The following MYH16 variants were observed in gnomAD, a reference collection of about 807,000 sequenced individuals.
MYH16 encodes myosin heavy chain 16.
chr7:99,309,152 CTA>C (rs1792722697), downstream of MYH16, among the ~76,000 whole-genome samples: 1 of 152,018 alleles, frequency 6.6e-6, no homozygotes, highest in Admixed American at 6.6e-5. Context: ...TGGTTGCCCT[CTA>C]TGTGGGATTA....
chr7:99,288,167 G>A (rs1196410779), intron 29 of MYH16, 30 bp downstream of exon 10: 1 of 454,612 alleles, frequency 2.2e-6, no homozygotes, highest in South Asian at 1.6e-5. Context: ...GCCGGACGCA[G>A]TGGCTCACTC....
rs11983985 is a variant in MYH16 at position 99,283,545 on chromosome 7, G to C, written n.2993-20G>C. 0.033 allele frequency: 15,029 copies of C among 455,548 alleles called. 363 individuals are homozygous for C. Among genetic ancestry groups the C allele is most frequent in the Admixed American group, 0.065 (2,766 of 42,574 alleles). The allele number at this position is 455,548 out of a possible 1,614,324, so 28.2% of individuals were successfully genotyped here. On this transcript the variant is annotated intron_variant and non_coding_transcript_variant, in intron 23 of 41. Coordinates refer to ENST00000439784, the Ensembl canonical transcript of MYH16. ...TCCCACTGGGCCTCGTGGCACTCAC[G>C]TGTGTATCTGTCCTTCCAGAAAACC...
chr7:99,273,568 CCT>C, intron 20 of MYH16, 145 bp downstream of exon 2: 1 of 379,846 alleles, frequency 2.6e-6, no homozygotes, highest in South Asian at 1.9e-5. Flanking sequence ...AAAAATCTAG[CCT>C]CTGTCCAGAC....
intron 1 of MYH16, among the ~76,000 whole-genome samples, chr7:99,239,911 G>A (rs192465323): frequency 6.6e-6 from 1 of 152,130 alleles, no homozygotes; most frequent in Non-Finnish European, 1.5e-5. Flanking sequence ...GGCTAGGCGT[G>A]GTGGCTCACA....
intron 5 of MYH16, chr7:99,251,064 C>A: frequency 5.5e-6 from 1 of 183,438 alleles, no homozygotes; most frequent in South Asian, 1.2e-4. Context: ...GCCAACTGGT[C>A]AACTGACTTT....
intron 31 of MYH16, among the ~76,000 whole-genome samples, 151 bp downstream of exon 12, chr7:99,291,601 C>T (rs898631479): frequency 3.4e-5 from 5 of 147,580 alleles, no homozygotes; most frequent in Non-Finnish European, 5.9e-5. Context: ...GAGACCAGCC[C>T]GAACAACACA....
chr7:99,298,093 GGGCAATTCA>G (rs1282027905), intron 36 of MYH16, 98 bp downstream of exon 17: 1 of 411,512 alleles, frequency 2.4e-6, no homozygotes, highest in Non-Finnish European at 4.8e-6. Context: ...GCGTGACGTT[GGGCAATTCA>G]GGTGAACCTT....
chr7:99,255,617 C>A (rs939481461), exon 9 of MYH16: 2 of 152,864 alleles, frequency 1.3e-5, no homozygotes, highest in African/African-American at 4.8e-5. Flanking sequence ...TAAGGAATAC[C>A]ACTGGGTGAG....
intron 4 of MYH16, among the ~76,000 whole-genome samples, chr7:99,249,273 G>A (rs1469089191): frequency 6.6e-6 from 1 of 152,014 alleles, no homozygotes; most frequent in African/African-American, 2.4e-5. Flanking sequence ...GAGGCCAGGT[G>A]TGGTGGCTCA....
At chr7:99,298,953 G>A (rs757976465) in intron 36 of MYH16, among the ~76,000 whole-genome samples, 6 of 151,922 alleles carry the variant, frequency 3.9e-5, no homozygotes, top group East Asian at 3.9e-4. Flanking sequence ...TTGGCTGGGC[G>A]CAGTGGCTCA....
chr7:99,257,286 C>T (rs984200735), intron 9 of MYH16: 1 of 153,666 alleles, frequency 6.5e-6, no homozygotes, highest in African/African-American at 2.4e-5. Flanking sequence ...ATGACTTTGT[C>T]TCTGTTGCTT....
chr7:99,303,688 G>C (rs1270995184), intron 39 of MYH16, among the ~76,000 whole-genome samples: 2 of 152,204 alleles, frequency 1.3e-5, no homozygotes, highest in Non-Finnish European at 2.9e-5. Flanking sequence ...TGTAGTCCCA[G>C]CTACTCAGAA....
chr7:99,279,358 CAAAA>C (rs35683727), intron 21 of MYH16, among the ~76,000 whole-genome samples, 148 bp from the exon 4 acceptor site: 4 of 45,866 alleles, frequency 8.7e-5, no homozygotes, highest in African/African-American at 1.6e-4. Context: ...AACCCTGACT[CAAAA>C]AAAAAAAAAA....
intron 41 of MYH16, among the ~76,000 whole-genome samples, 169 bp from the exon 23 acceptor site, chr7:99,306,440 T>C (rs1457132710): frequency 6.6e-6 from 1 of 152,022 alleles, no homozygotes; most frequent in Non-Finnish European, 1.5e-5. Flanking sequence ...GGCAGGAGAA[T>C]TGCTGGAACC....
intron 20 of MYH16, among the ~76,000 whole-genome samples, chr7:99,275,543 T>C (rs543224730): frequency 6.6e-6 from 1 of 152,372 alleles, no homozygotes; most frequent in East Asian, 1.9e-4. Flanking sequence ...AAAGTAACTA[T>C]GTCACAACTC....
chr7:99,306,334 G>A (rs1447273779), intron 41 of MYH16, among the ~76,000 whole-genome samples: 1 of 152,100 alleles, frequency 6.6e-6, no homozygotes, highest in African/African-American at 2.4e-5. Context: ...TTTGAGACCA[G>A]CCTGGCCAAC....
intron 40 of MYH16, 124 bp downstream of exon 21, chr7:99,304,880 C>G (rs1410527648): frequency 6.6e-6 from 1 of 152,236 alleles, no homozygotes; most frequent in African/African-American, 2.4e-5. Context: ...TCGGGTTATG[C>G]AACTGTTAAG....
chr7:99,288,284 A>T (rs1489048902), intron 29 of MYH16, 147 bp downstream of exon 10: 1 of 371,990 alleles, frequency 2.7e-6, no homozygotes, highest in African/African-American at 2.1e-5. Flanking sequence ...TCCTCAAAAA[A>T]TGAAATTAGC....
intron 9 of MYH16, among the ~76,000 whole-genome samples, chr7:99,256,899 C>T (rs184313524): frequency 2.0e-5 from 3 of 152,216 alleles, no homozygotes; most frequent in Admixed American, 1.3e-4. Flanking sequence ...TGCAGTGAGC[C>T]ATGATCGTGC....
Sources: allele counts gnomAD v4.1 joint callset (sites outside exome capture counted in the v4.1 genomes callset), GRCh38; gene constraint gnomAD v4.1.1; transcripts MANE v1.5; gene names NCBI Gene and HGNC (gene_info 2026-07-23, HGNC 2026-07-21).